The following SNTG1 variants were observed in gnomAD, a reference collection of about 807,000 sequenced individuals.
SNTG1 encodes the protein syntrophin gamma 1, also known as gamma-1-syntrophin.
In SNTG1, 39 loss-of-function variants were observed where a neutral mutation model predicts 74.7. The ratio of observed to expected loss-of-function variants is 0.52; its 90% CI spans 0.40 to 0.68. SNTG1 has a LOEUF of 0.68. Ranked by LOEUF, SNTG1 falls within the 30% of genes least tolerant of loss-of-function variation. The pLI, the probability that SNTG1 is intolerant of heterozygous loss-of-function variation, is 0.00. For missense variants in SNTG1, 685 were observed against 609.5 expected, an observed-to-expected ratio of 1.12 and a Z score of -1.30; for synonymous variants, 254 against 217.1, an observed-to-expected ratio of 1.17 and a Z score of -1.49.
intron 1 of SNTG1, among the ~76,000 whole-genome samples, chr8:50,053,838 C>T (rs1819795656): frequency 6.6e-6 from 1 of 151,980 alleles, no homozygotes; most frequent in Non-Finnish European, 1.5e-5. Flanking sequence ...AGCTAAACTT[C>T]ATTTTTCTGA....
chr8:50,677,055 G>A (rs894323567), intron 15 of SNTG1, among the ~76,000 whole-genome samples: 2 of 151,726 alleles, frequency 1.3e-5, no homozygotes, highest in Non-Finnish European at 2.9e-5. Flanking sequence ...TATTTTTGGG[G>A]TATTATTTCC....
At chr8:50,144,194 A>C (rs1235833342) in intron 1 of SNTG1, among the ~76,000 whole-genome samples, 1 of 152,246 alleles carries the variant, frequency 6.6e-6, no homozygotes, top group Non-Finnish European at 1.5e-5. Context: ...ATGCTATACG[A>C]AACCATCTTA....
chr8:50,783,982 C>T (rs1449039939), intron 18 of SNTG1, among the ~76,000 whole-genome samples: 1 of 152,152 alleles, frequency 6.6e-6, no homozygotes, highest in African/African-American at 2.4e-5. Context: ...ATTGATATAG[C>T]TTTATCAAAG....
intron 15 of SNTG1, among the ~76,000 whole-genome samples, chr8:50,678,806 T>C (rs1007703902): frequency 2.0e-5 from 3 of 152,124 alleles, no homozygotes; most frequent in African/African-American, 7.2e-5. Context: ...TGTAAAACTA[T>C]TGAGAAAATT....
intron 2 of SNTG1, among the ~76,000 whole-genome samples, chr8:50,303,362 A>G (rs1371947929): frequency 1.3e-5 from 2 of 152,062 alleles, no homozygotes; most frequent in Non-Finnish European, 2.9e-5. Context: ...TTAATATGCT[A>G]AAATTTCTCA....
At chr8:49,914,061 C>G (rs932238420) in intron 1 of SNTG1, among the ~76,000 whole-genome samples, 2 of 152,126 alleles carry the variant, frequency 1.3e-5, no homozygotes, top group African/African-American at 4.8e-5. Flanking sequence ...CCTTGTCAAT[C>G]CTTATCTGTA....
intron 18 of SNTG1, among the ~76,000 whole-genome samples, chr8:50,785,981 A>G (rs2095673893): frequency 6.6e-6 from 1 of 152,034 alleles, no homozygotes; most frequent in African/African-American, 2.4e-5. Context: ...TATACTGAAG[A>G]AAACTAAGTA....
At chr8:50,273,914 G>A (rs1012494274) in intron 2 of SNTG1, among the ~76,000 whole-genome samples, 1 of 152,090 alleles carries the variant, frequency 6.6e-6, no homozygotes, top group Non-Finnish European at 1.5e-5. Flanking sequence ...TATTTATTTA[G>A]ACCCTTTTTG....
chr8:50,517,437 C>G (rs904980105), intron 9 of SNTG1, among the ~76,000 whole-genome samples: 37 of 151,796 alleles, frequency 2.4e-4, no homozygotes, highest in African/African-American at 8.7e-4. Context: ...TACACACATA[C>G]CAATATTAAC....
At chr8:50,019,858 T>A (rs561196181) in intron 1 of SNTG1, among the ~76,000 whole-genome samples, 13 of 152,234 alleles carry the variant, frequency 8.5e-5, no homozygotes, top group South Asian at 4.1e-4. Context: ...TAAGCAGTGC[T>A]ATCATGCATG....
chr8:50,245,769 G>C (rs1196580516), intron 2 of SNTG1, among the ~76,000 whole-genome samples: 2 of 152,116 alleles, frequency 1.3e-5, no homozygotes, highest in East Asian at 1.9e-4. Flanking sequence ...CCTGGGGCTT[G>C]TCAGCCATCC....
At chr8:50,261,037 A>G (rs1378315855) in intron 2 of SNTG1, among the ~76,000 whole-genome samples, 2 of 152,218 alleles carry the variant, frequency 1.3e-5, no homozygotes, top group Non-Finnish European at 2.9e-5. Flanking sequence ...AGAGCAGACT[A>G]CATACCCAGG....
At chr8:50,394,842 C>T (rs1407318999) in intron 3 of SNTG1, among the ~76,000 whole-genome samples, 1 of 85,736 alleles carries the variant, frequency 1.2e-5, no homozygotes, top group African/African-American at 4.7e-5. Flanking sequence ...GGAAGAAAAA[C>T]TAACTTTTTT....
chr8:49,928,052 C>A (rs995993831), intron 1 of SNTG1, among the ~76,000 whole-genome samples: 3 of 150,818 alleles, frequency 2.0e-5, no homozygotes, highest in African/African-American at 7.3e-5. Flanking sequence ...TCGCTTGAAT[C>A]CGGGAGGCGG....
chr8:50,618,664 C>T (rs945295286), intron 13 of SNTG1, among the ~76,000 whole-genome samples: 3 of 152,174 alleles, frequency 2.0e-5, no homozygotes, highest in Non-Finnish European at 4.4e-5. Flanking sequence ...AATTTGCATC[C>T]TTGCCCATTA....
At chr8:50,282,992 G>A (rs955338761) in intron 2 of SNTG1, among the ~76,000 whole-genome samples, 2 of 152,090 alleles carry the variant, frequency 1.3e-5, no homozygotes, top group African/African-American at 4.8e-5. Flanking sequence ...GGATGAATTG[G>A]GTAGTAAACA....
chr8:50,692,357 A>G (rs754808101), intron 15 of SNTG1, among the ~76,000 whole-genome samples: 4 of 150,752 alleles, frequency 2.7e-5, no homozygotes, highest in Non-Finnish European at 4.4e-5. Context: ...TTTCTGCTCT[A>G]TTTTTTTTCC....
chr8:50,489,455 A>G (rs2093830089), intron 8 of SNTG1, among the ~76,000 whole-genome samples: 1 of 152,158 alleles, frequency 6.6e-6, no homozygotes, highest in Admixed American at 6.5e-5. Flanking sequence ...CTGACCTTTT[A>G]ATGATCGCCA....
intron 2 of SNTG1, among the ~76,000 whole-genome samples, chr8:50,390,783 C>T (rs1331150839): frequency 6.6e-6 from 1 of 152,118 alleles, no homozygotes; most frequent in African/African-American, 2.4e-5. Flanking sequence ...AAAGGTCCTC[C>T]ACATCCCTTG....
Sources: gnomAD v4.1 joint callset for allele counts (sites outside exome capture counted in the v4.1 genomes callset) on GRCh38, gnomAD v4.1.1 for gene constraint, MANE v1.5 for transcripts, NCBI Gene and HGNC (gene_info 2026-07-23, HGNC 2026-07-21) for gene names.